Variants in NCOR1 observed in about 807,000 individuals in gnomAD.
The protein encoded by NCOR1 is nuclear receptor corepressor 1.
Under a neutral mutation model 288.1 loss-of-function variants are expected in NCOR1, and 63 were observed. The observed-to-expected ratio is 0.22, with a 90% CI of 0.18 to 0.27. NCOR1 has a LOEUF of 0.27. Among genes scored for constraint, NCOR1 ranks in the 10% least tolerant of loss-of-function variants. The pLI is 1.00. For synonymous variants in NCOR1, 1,007 were observed against 1,065.9 expected, an observed-to-expected ratio of 0.94 and a Z score of 1.08; for missense variants, 2,397 against 3,019.2, an observed-to-expected ratio of 0.79 and a Z score of 4.83.
At chr17:16,131,116 T>C (rs1271202589) in intron 14 of NCOR1, among the ~76,000 whole-genome samples, 1 of 151,524 alleles carries the variant, frequency 6.6e-6, no homozygotes, top group Non-Finnish European at 1.5e-5. Context: ...GCCTCCTGAA[T>C]AGCTGGGATT....
chr17:16,098,517 A>T (rs2067045059), intron 20 of NCOR1, 21 bp from the exon 21 acceptor site: 1 of 1,597,114 alleles, frequency 6.3e-7, no homozygotes, highest in Admixed American at 1.7e-5. Flanking sequence ...AATTTAAAAA[A>T]AAGATAAATG....
At chr17:16,119,715 T>A (rs549260236) in intron 16 of NCOR1, among the ~76,000 whole-genome samples, 1 of 152,202 alleles carries the variant, frequency 6.6e-6, no homozygotes, top group Non-Finnish European at 1.5e-5. Flanking sequence ...TCTCTTCATG[T>A]CTACATTTTT....
chr17:16,051,347 T>C (rs1047694494), intron 40 of NCOR1, among the ~76,000 whole-genome samples: 6 of 152,220 alleles, frequency 3.9e-5, no homozygotes. Flanking sequence ...CTCTGTGTTT[T>C]GCTTATAAAA....
chr17:16,092,792 G>A (rs1464779431), intron 21 of NCOR1, among the ~76,000 whole-genome samples: 19 of 145,120 alleles, frequency 1.3e-4, no homozygotes, highest in Admixed American at 8.3e-4. Context: ...TCCACCTCCC[G>A]GGTTCAAGCA....
In NCOR1 at chr17:16,064,253, C is replaced by T. The variant is rs548459988; in HGVS notation, c.5102-66G>A. The T allele has an allele frequency of 3.2e-5, 49 of 1,532,202 alleles. No homozygotes were observed. In the South Asian group the frequency reaches 3.8e-4, roughly 12 times the overall value. The allele number at this position is 1,532,202 out of a possible 1,614,324, so 94.9% of individuals were successfully genotyped here. A position where few individuals can be genotyped will look rare whatever the true frequency, so the allele number is the denominator to read the frequency against. ...ACTGACTGAGTATATCAAACAATTC[C>T]GAAATTCTAAGTGACTGAAAATTTT... On this transcript the variant is annotated intron_variant, in intron 34 of 45. Transcript: ENST00000268712.
intron 35 of NCOR1, 95 bp from the exon 36 acceptor site, chr17:16,062,365 C>A (rs2060632498): frequency 2.4e-6 from 3 of 1,228,590 alleles, no homozygotes; most frequent in Non-Finnish European, 3.2e-6. Flanking sequence ...TCCTAACATA[C>A]CTAAATAGAA....
intron 40 of NCOR1, among the ~76,000 whole-genome samples, chr17:16,050,325 G>C (rs1276900838): frequency 1.3e-5 from 2 of 151,726 alleles, no homozygotes; most frequent in African/African-American, 2.4e-5. Context: ...CAGGTTGAAA[G>C]GATTCTAGTG....
intron 26 of NCOR1, among the ~76,000 whole-genome samples, chr17:16,078,065 C>G (rs908682058): frequency 1.1e-4 from 16 of 152,128 alleles, no homozygotes; most frequent in African/African-American, 3.6e-4. Flanking sequence ...CTGGAGTTGC[C>G]AATGACCATG....
chr17:16,116,862 G>A (rs374522655), intron 18 of NCOR1, among the ~76,000 whole-genome samples: 6 of 152,308 alleles, frequency 3.9e-5, no homozygotes, highest in African/African-American at 1.2e-4. Flanking sequence ...AATGCTCAGC[G>A]ATGAAAAATA....
At chr17:16,080,087 G>A (rs2063162617) in intron 25 of NCOR1, 23 bp from the exon 26 acceptor site, 1 of 1,591,138 alleles carries the variant, frequency 6.3e-7, no homozygotes, top group Non-Finnish European at 8.6e-7. Context: ...AAAGCTATTA[G>A]CAAATTACAC....
At chr17:16,136,806 CAAAAAAAAAAA>C (rs60523446) in intron 14 of NCOR1, among the ~76,000 whole-genome samples, 2 of 111,814 alleles carry the variant, frequency 1.8e-5, no homozygotes, top group South Asian at 3.1e-4. Context: ...GACTCTGTTT[CAAAAAAAAAAA>C]AAAAAAAAAA....
At chr17:16,038,243 T>A (rs2056824932) in intron 44 of NCOR1, among the ~76,000 whole-genome samples, 1 of 152,212 alleles carries the variant, frequency 6.6e-6, no homozygotes, top group South Asian at 2.1e-4. Flanking sequence ...AAAAAGGTTG[T>A]AAGATTAAAG....
intron 31 of NCOR1, chr17:16,068,375 T>G: frequency 2.4e-6 from 1 of 418,418 alleles, no homozygotes; most frequent in Non-Finnish European, 4.3e-6. Flanking sequence ...TACCACCTTA[T>G]GTAACATTAA....
At chr17:16,172,054 G>T in intron 3 of NCOR1, 59 bp from the exon 4 acceptor site, 1 of 1,321,906 alleles carries the variant, frequency 7.6e-7, no homozygotes, top group Non-Finnish European at 1.0e-6. Flanking sequence ...CAACTCCCTG[G>T]TAACATCCCT....
intron 40 of NCOR1, among the ~76,000 whole-genome samples, chr17:16,050,903 T>C (rs1328034107): frequency 6.6e-6 from 1 of 152,190 alleles, no homozygotes; most frequent in African/African-American, 2.4e-5. Flanking sequence ...GTACAATCAC[T>C]GCTTACTGCA....
At chr17:16,065,783 T>C in intron 32 of NCOR1, 89 bp from the exon 33 acceptor site, 1 of 1,194,284 alleles carries the variant, frequency 8.4e-7, no homozygotes, top group Non-Finnish European at 1.2e-6. Flanking sequence ...TAGAGAAAAA[T>C]CACATGCTGA....
At chr17:16,209,963 T>C (rs543796965) in intron 1 of NCOR1, among the ~76,000 whole-genome samples, 3 of 151,934 alleles carry the variant, frequency 2.0e-5, no homozygotes, top group South Asian at 4.2e-4. Flanking sequence ...AAAAAAATGT[T>C]CATGTTTGTG....
intron 40 of NCOR1, among the ~76,000 whole-genome samples, chr17:16,053,432 C>T (rs1044359455): frequency 1.3e-5 from 2 of 151,980 alleles, no homozygotes; most frequent in South Asian, 2.1e-4. Context: ...GAATGCAATT[C>T]GATTCACAAC....
Position 16,175,241 on chromosome 17 carries a change from G to A in NCOR1, c.243-3246C>T, listed in dbSNP as rs568083457. On this transcript the variant is annotated intron_variant, in intron 3 of 45. Coordinates refer to ENST00000268712, the MANE Select transcript of NCOR1 (RefSeq NM_006311.4). ...ATGTTAGGCGGGCGTGGTGGTGCGC[G>A]CATGTAGTCCCAGCTACTCGGGAAA... is the stretch of plus-strand genomic sequence containing the variant. 3.9e-5 allele frequency among the ~76,000 whole-genome samples: 6 copies of A among 152,090 alleles called. No homozygotes were observed. In the South Asian group the frequency reaches 1.0e-3, roughly 26 times the overall value.
Sources: allele counts gnomAD v4.1 joint callset (sites outside exome capture counted in the v4.1 genomes callset), GRCh38; gene constraint gnomAD v4.1.1; transcripts MANE v1.5; gene names NCBI Gene and HGNC (gene_info 2026-07-23, HGNC 2026-07-21).